ATG10: variants seen among roughly 807,000 people sequenced by gnomAD.
The protein encoded by ATG10 is autophagy related 10.
ATG10 carries 30 observed loss-of-function variants against 32.1 expected under a neutral mutation model. The observed-to-expected ratio is 0.94, with a 90% CI of 0.70 to 1.27. The LOEUF (loss-of-function observed/expected upper bound fraction) is 1.27, where lower values mean the gene tolerates loss of function less well. Ranked by LOEUF, ATG10 falls within the 50% of genes most tolerant of loss-of-function variation. ATG10 has a pLI of 0.00. For missense variants in ATG10, 233 were observed against 262.3 expected, an observed-to-expected ratio of 0.89 and a Z score of 0.77; for synonymous variants, 87 against 91.5, an observed-to-expected ratio of 0.95 and a Z score of 0.28.
intron 2 of ATG10, among the ~76,000 whole-genome samples, chr5:82,017,572 T>C (rs1374345479): frequency 6.6e-6 from 1 of 152,186 alleles, no homozygotes; most frequent in East Asian, 1.9e-4. Flanking sequence ...CCTTAAGATA[T>C]GTCCCTTCTA....
At chr5:82,189,650 G>T (rs776957390) in intron 5 of ATG10, among the ~76,000 whole-genome samples, 4 of 152,014 alleles carry the variant, frequency 2.6e-5, no homozygotes, top group Non-Finnish European at 2.9e-5. Context: ...TGGAGATAGG[G>T]TCTCACTCTG....
chr5:82,089,359 G>A (rs1031832134), intron 3 of ATG10, among the ~76,000 whole-genome samples: 1 of 151,632 alleles, frequency 6.6e-6, no homozygotes, highest in Admixed American at 6.6e-5. Flanking sequence ...AAAAAAGATT[G>A]CATGGTATTA....
intron 3 of ATG10, among the ~76,000 whole-genome samples, chr5:82,069,357 T>C (rs1285104229): frequency 6.6e-6 from 1 of 152,210 alleles, no homozygotes; most frequent in Non-Finnish European, 1.5e-5. Context: ...CATTTTTACA[T>C]AAAATCATTG....
intron 5 of ATG10, among the ~76,000 whole-genome samples, chr5:82,197,626 C>T (rs1268042554): frequency 1.3e-5 from 2 of 152,022 alleles, no homozygotes; most frequent in African/African-American, 4.8e-5. Context: ...TCCTCTCAGT[C>T]GTTTTCTTCC....
At chr5:82,006,732 A>G (rs1256837307) in intron 2 of ATG10, among the ~76,000 whole-genome samples, 1 of 152,194 alleles carries the variant, frequency 6.6e-6, no homozygotes, top group Non-Finnish European at 1.5e-5. Flanking sequence ...GTGCATTCAT[A>G]TTGTTGTGCA....
intron 3 of ATG10, among the ~76,000 whole-genome samples, chr5:82,081,940 T>C (rs551740420): frequency 3.9e-5 from 6 of 152,196 alleles, no homozygotes; most frequent in African/African-American, 1.4e-4. Flanking sequence ...ATGGTACCAG[T>C]TCCTCCTTGT....
intron 5 of ATG10, among the ~76,000 whole-genome samples, chr5:82,219,371 C>A (rs990047269): frequency 6.6e-6 from 1 of 152,154 alleles, no homozygotes; most frequent in African/African-American, 2.4e-5. Flanking sequence ...GCTAGGATGG[C>A]GGTTCCACTG....
intron 5 of ATG10, among the ~76,000 whole-genome samples, chr5:82,229,425 T>A (rs1240427004): frequency 6.6e-6 from 1 of 152,244 alleles, no homozygotes; most frequent in East Asian, 1.9e-4. Context: ...CAATTTTGAT[T>A]TAAATTTTAT....
At chr5:82,111,247 T>A (rs1408134288) in intron 3 of ATG10, 1 of 151,992 alleles carries the variant, frequency 6.6e-6, no homozygotes, top group Non-Finnish European at 1.5e-5. Context: ...CTCACCATAA[T>A]TTTTTTACCT....
At chr5:82,075,994 T>C (rs916029405) in intron 3 of ATG10, among the ~76,000 whole-genome samples, 1 of 152,176 alleles carries the variant, frequency 6.6e-6, no homozygotes, top group Non-Finnish European at 1.5e-5. Context: ...CTTTATAGAT[T>C]GTCTATTCAT....
chr5:82,086,094 A>T (rs1423165189), intron 3 of ATG10, among the ~76,000 whole-genome samples: 1 of 152,126 alleles, frequency 6.6e-6, no homozygotes, highest in Non-Finnish European at 1.5e-5. Context: ...AAGGTGTTTG[A>T]TTGACTTTTT....
chr5:82,186,723 G>T (rs1375632648), intron 5 of ATG10, among the ~76,000 whole-genome samples: 1 of 151,362 alleles, frequency 6.6e-6, no homozygotes, highest in Non-Finnish European at 1.5e-5. Flanking sequence ...TTCCCAAGTA[G>T]CTGCGATTAT....
intron 5 of ATG10, among the ~76,000 whole-genome samples, chr5:82,243,177 A>G (rs1746873768): frequency 6.6e-6 from 1 of 152,110 alleles, no homozygotes; most frequent in East Asian, 1.9e-4. Context: ...TCAAGCTAAT[A>G]AAAAGAGAAA....
intron 3 of ATG10, among the ~76,000 whole-genome samples, chr5:82,124,984 A>G (rs1766205284): frequency 6.6e-6 from 1 of 152,146 alleles, no homozygotes; most frequent in African/African-American, 2.4e-5. Context: ...ACACCATTCT[A>G]ACTGGCATGA....
At chr5:82,024,268 A>G (rs1208120470) in intron 2 of ATG10, among the ~76,000 whole-genome samples, 1 of 148,294 alleles carries the variant, frequency 6.7e-6, no homozygotes, top group Non-Finnish European at 1.5e-5. Flanking sequence ...TCCGAGATGG[A>G]TTGTTCGACT....
chr5:82,154,951 A>C (rs1032923642), intron 3 of ATG10, among the ~76,000 whole-genome samples: 2 of 152,218 alleles, frequency 1.3e-5, no homozygotes, highest in African/African-American at 2.4e-5. Context: ...TTTCTTGTGC[A>C]TGTGTGAGAG....
At chr5:81,996,913 G>C (rs981154393) in intron 2 of ATG10, among the ~76,000 whole-genome samples, 2 of 152,196 alleles carry the variant, frequency 1.3e-5, no homozygotes, top group African/African-American at 4.8e-5. Context: ...CAGAGTACCT[G>C]ATATACAGGA....
At chr5:82,148,863 T>A (rs1368596872) in intron 3 of ATG10, among the ~76,000 whole-genome samples, 3 of 152,170 alleles carry the variant, frequency 2.0e-5, no homozygotes, top group African/African-American at 2.4e-5. Context: ...TATCTTTTTA[T>A]ATTTTTTCTG....
intron 2 of ATG10, among the ~76,000 whole-genome samples, chr5:82,044,633 C>T (rs779032341): frequency 7.2e-5 from 11 of 151,960 alleles, no homozygotes; most frequent in Non-Finnish European, 1.0e-4. Context: ...GGTTGAATTG[C>T]GACGGCAAGT....
Sources: gnomAD v4.1 joint callset for allele counts (sites outside exome capture counted in the v4.1 genomes callset) on GRCh38, gnomAD v4.1.1 for gene constraint, MANE v1.5 for transcripts, NCBI Gene and HGNC (gene_info 2026-07-23, HGNC 2026-07-21) for gene names.